ASPRV1: variants seen among roughly 807,000 people sequenced by gnomAD.
ASPRV1 encodes the protein retroviral-like aspartic protease 1.
A neutral mutation model predicts 11.0 loss-of-function variants in ASPRV1; 7 were observed. That is an observed-to-expected ratio of 0.64 (90% CI 0.36 to 1.20). The LOEUF is 1.20. Among genes scored for constraint, ASPRV1 ranks in the 50% most tolerant of loss-of-function variants. The pLI, the probability that ASPRV1 is intolerant of heterozygous loss-of-function variation, is 0.02. For missense variants in ASPRV1, 299 were observed against 320.0 expected (o/e 0.93, Z 0.50); for synonymous variants, 136 against 138.4 (o/e 0.98, Z 0.12).
the ASPRV1 span, among the ~76,000 whole-genome samples, chr2:70,012,458 TCAA>T: frequency 1.3e-5 from 2 of 151,926 alleles, no homozygotes; most frequent in African/African-American, 4.8e-5. Context: ...CCGGCCAAGG[TCAA>T]CATCATTTTT....
At chr2:70,005,968 G>T in the ASPRV1 span, among the ~76,000 whole-genome samples, 1 of 152,208 alleles carries the variant, frequency 6.6e-6, no homozygotes, top group Admixed American at 6.5e-5. Flanking sequence ...ATAGCCCAGG[G>T]TTTCTCAATG....
the ASPRV1 span, among the ~76,000 whole-genome samples, chr2:70,047,486 AT>A: frequency 6.6e-6 from 1 of 152,206 alleles, no homozygotes; most frequent in Admixed American, 6.5e-5. Context: ...TATATAAGCT[AT>A]GTGCAAGATC....
At chr2:69,996,214 CAA>C in the ASPRV1 span, among the ~76,000 whole-genome samples, 220 of 53,876 alleles carry the variant, frequency 4.1e-3, 2 homozygotes, top group African/African-American at 0.017. Context: ...CCCCATCTCT[CAA>C]AAAAAAAAAA....
the ASPRV1 span, among the ~76,000 whole-genome samples, chr2:70,061,770 G>A: frequency 5.3e-5 from 8 of 151,856 alleles, no homozygotes; most frequent in South Asian, 2.1e-4. Context: ...CCAACATAGC[G>A]AAACCCTGTC....
chr2:69,943,634 A>G, the ASPRV1 span, among the ~76,000 whole-genome samples: 1 of 152,236 alleles, frequency 6.6e-6, no homozygotes, highest in East Asian at 1.9e-4. Flanking sequence ...TGGTTAGTAT[A>G]CATTTATTCA....
chr2:69,989,753 C>A, the ASPRV1 span, among the ~76,000 whole-genome samples: 2 of 152,264 alleles, frequency 1.3e-5, no homozygotes, highest in African/African-American at 4.8e-5. Context: ...GATGTGACCA[C>A]ACCCTGTGCT....
chr2:70,037,614 T>A, the ASPRV1 span, among the ~76,000 whole-genome samples: 2 of 150,074 alleles, frequency 1.3e-5, no homozygotes, highest in African/African-American at 2.5e-5. Context: ...TTCTATGACT[T>A]TGGCCCATTT....
At chr2:70,056,625 A>AAAAAAAAAAAAAAAAAAAAAAAG in the ASPRV1 span, 2 of 145,206 alleles carry the variant, frequency 1.4e-5, no homozygotes, top group Admixed American at 1.7e-4. Flanking sequence ...AAAAAAAAAA[A>AAAAAAAAAAAAAAAAAAAAAAAG]GTGGTTAAAA....
At chr2:70,010,259 A>G in the ASPRV1 span, among the ~76,000 whole-genome samples, 2 of 152,098 alleles carry the variant, frequency 1.3e-5, no homozygotes, top group African/African-American at 4.8e-5. Flanking sequence ...GGACGTGATA[A>G]GGGCACAAGA....
At chr2:70,078,363 GCTAAA>G in the ASPRV1 span, among the ~76,000 whole-genome samples, 1 of 152,128 alleles carries the variant, frequency 6.6e-6, no homozygotes, top group Non-Finnish European at 1.5e-5. Flanking sequence ...ATAAATACTT[GCTAAA>G]TAATGAACAA....
At chr2:69,969,277 C>T in the ASPRV1 span, among the ~76,000 whole-genome samples, 1 of 152,194 alleles carries the variant, frequency 6.6e-6, no homozygotes, top group Non-Finnish European at 1.5e-5. Context: ...AGGCAGCCCG[C>T]TTACACTCTG....
the ASPRV1 span, among the ~76,000 whole-genome samples, chr2:69,979,292 C>G: frequency 1.3e-5 from 2 of 152,196 alleles, no homozygotes; most frequent in Admixed American, 6.5e-5. Flanking sequence ...CTCGGCCTCC[C>G]AAAGTGCTGG....
chr2:69,999,402 C>T, the ASPRV1 span, among the ~76,000 whole-genome samples: 5 of 151,904 alleles, frequency 3.3e-5, no homozygotes, highest in Non-Finnish European at 7.4e-5. Context: ...GCCTATAATC[C>T]CAGTATTTTG....
At chr2:70,074,231 T>G in the ASPRV1 span, among the ~76,000 whole-genome samples, 1 of 150,688 alleles carries the variant, frequency 6.6e-6, no homozygotes, top group African/African-American at 2.4e-5. Flanking sequence ...TACTCTTACT[T>G]CCTATGATCA....
chr2:70,086,646 C>G, the ASPRV1 span, among the ~76,000 whole-genome samples: 46 of 152,240 alleles, frequency 3.0e-4, no homozygotes, highest in Non-Finnish European at 5.7e-4. Flanking sequence ...CAAACGAGGC[C>G]TCCACAGGCG....
chr2:70,056,694 G>A, the ASPRV1 span: 1 of 148,410 alleles, frequency 6.7e-6, no homozygotes, highest in East Asian at 2.0e-4. Context: ...GGTTAAGATG[G>A]TAAATTTTAT....
the ASPRV1 span, chr2:69,993,806 T>G: frequency 6.6e-6 from 1 of 152,242 alleles, no homozygotes; most frequent in Non-Finnish European, 1.5e-5. Context: ...AATTACAACC[T>G]TCCTTACAGC....
chr2:69,984,002 A>T, the ASPRV1 span, among the ~76,000 whole-genome samples: 1 of 152,116 alleles, frequency 6.6e-6, no homozygotes, highest in South Asian at 2.1e-4. Flanking sequence ...AGGTCTTGGG[A>T]TTCAACCCTT....
At chr2:70,038,987 G>A in the ASPRV1 span, among the ~76,000 whole-genome samples, 4 of 151,678 alleles carry the variant, frequency 2.6e-5, no homozygotes, top group Admixed American at 1.3e-4. Context: ...GCTGAGGTAG[G>A]AGAATCACTT....
Sources: allele counts gnomAD v4.1 joint callset (sites outside exome capture counted in the v4.1 genomes callset), GRCh38; gene constraint gnomAD v4.1.1; transcripts MANE v1.5; gene names NCBI Gene and HGNC (gene_info 2026-07-23, HGNC 2026-07-21).